The following LAMB1 variants were observed in gnomAD, a reference collection of about 807,000 sequenced individuals.
LAMB1 encodes the protein laminin subunit beta 1.
In LAMB1, 121 loss-of-function variants were observed where a neutral mutation model predicts 222.3. The ratio of observed to expected loss-of-function variants is 0.54; its 90% CI spans 0.47 to 0.63. The LOEUF (loss-of-function observed/expected upper bound fraction) is 0.63, where lower values mean the gene tolerates loss of function less well. Among genes scored for constraint, LAMB1 ranks in the 30% least tolerant of loss-of-function variants. The pLI, the probability that LAMB1 is intolerant of heterozygous loss-of-function variation, is 0.00. For missense variants in LAMB1, 2,172 were observed against 2,240.8 expected (o/e 0.97, Z 0.62); for synonymous variants, 794 against 807.2 (o/e 0.98, Z 0.28).
intron 3 of LAMB1, chr7:107,999,737 T>C (rs1421843001): frequency 6.6e-6 from 1 of 150,404 alleles, no homozygotes; most frequent in Admixed American, 6.7e-5. Context: ...GCTAATCATA[T>C]ATACCAGAGA....
intron 20 of LAMB1, among the ~76,000 whole-genome samples, chr7:107,958,806 TAG>T (rs1038820940): frequency 6.6e-6 from 1 of 152,354 alleles, no homozygotes; most frequent in African/African-American, 2.4e-5. Flanking sequence ...GCATGTTTTA[TAG>T]AGTCTCCTGG....
At chr7:107,954,177 T>TG in intron 21 of LAMB1, among the ~76,000 whole-genome samples, 1 of 152,084 alleles carries the variant, frequency 6.6e-6, no homozygotes, top group East Asian at 1.9e-4. Context: ...TTTTAAGACA[T>TG]GGGGCCTTGC....
intron 27 of LAMB1, among the ~76,000 whole-genome samples, chr7:107,934,783 A>C (rs1429452123): frequency 6.6e-6 from 1 of 152,034 alleles, no homozygotes. Flanking sequence ...AGGAATGTCC[A>C]AGCTGGGTGT....
intron 8 of LAMB1, among the ~76,000 whole-genome samples, chr7:107,980,139 C>A (rs968603516): frequency 6.6e-6 from 1 of 151,340 alleles, no homozygotes; most frequent in South Asian, 2.1e-4. Flanking sequence ...ACCCAGGATG[C>A]GGATGGTGCA....
In LAMB1 at chr7:107,923,969, C is replaced by T; in HGVS notation, c.5343G>A (p.Val1781=). 1.2e-6 allele frequency: 2 copies of T among 1,609,824 alleles called. No homozygotes were observed. The highest frequency in any genetic ancestry group is 1.7e-6 in the Non-Finnish European group (2 of 1,178,892). The change falls in exon 34 of 34, where the codon GTG becomes GTA. Residue 1781 remains valine, a synonymous_variant. Coordinates refer to ENST00000222399, the MANE Select transcript of LAMB1 (RefSeq NM_002291.3). ...LLKDISQKVA[V]YSTCL ...TCCTCTGTTACAAGCATGTGCTATA[C>T]ACAGCAACTTTCTGGCTTATATCCT... is the stretch of plus-strand genomic sequence containing the variant.
At chr7:107,989,445 C>T (rs1310109206) in intron 5 of LAMB1, among the ~76,000 whole-genome samples, 1 of 152,146 alleles carries the variant, frequency 6.6e-6, no homozygotes, top group Non-Finnish European at 1.5e-5. Flanking sequence ...TCCTTTAGCC[C>T]TCCTTAATAA....
At chr7:107,932,077 A>T in intron 28 of LAMB1, 97 bp downstream of exon 28, 2 of 1,093,774 alleles carry the variant, frequency 1.8e-6, no homozygotes, top group Non-Finnish European at 2.8e-6. Flanking sequence ...TTTTCATTTC[A>T]GTTAGCATTT....
chr7:107,979,423 G>C (rs967522082), intron 8 of LAMB1, among the ~76,000 whole-genome samples: 1 of 152,310 alleles, frequency 6.6e-6, no homozygotes, highest in African/African-American at 2.4e-5. Flanking sequence ...CAGCTTAGGG[G>C]AAGGAACCCT....
At chr7:107,968,851 T>C (rs1397897719) in intron 13 of LAMB1, among the ~76,000 whole-genome samples, 1 of 152,234 alleles carries the variant, frequency 6.6e-6, no homozygotes, top group Non-Finnish European at 1.5e-5. Flanking sequence ...CCACTGAGAC[T>C]GTATTTGACA....
rs560853502 is a variant in LAMB1, at chr7:107,969,610, A to G, written c.1562+3382T>C. Reference sequence around the variant, plus strand: ...TAATGACTGGGATATGTTCTGAGAAATGTGTTGTTCGCCAATTTTGTTGTT... The same window carrying G: ...TAATGACTGGGATATGTTCTGAGAAGTGTGTTGTTCGCCAATTTTGTTGTT... On this transcript the variant is annotated intron_variant, in intron 13 of 33. Transcript: ENST00000222399. Among the ~76,000 whole-genome samples, 68 of 152,338 alleles carry G rather than the reference A, an allele frequency of 4.5e-4. 1 individual carries two copies. Among genetic ancestry groups the G allele is most frequent in the Non-Finnish European group, 7.6e-4 (52 of 68,034 alleles).
At position 107,941,049 on chromosome 7, in the gene LAMB1, G is replaced by A. The variant is rs111368206; in HGVS notation, c.3392-691C>T. 9.2e-3 allele frequency among the ~76,000 whole-genome samples: 1,397 copies of A among 152,340 alleles called. 18 individuals are homozygous for A. Among genetic ancestry groups the A allele is most frequent in the African/African-American group, 0.032 (1,323 of 41,568 alleles). ...ATCTAACTTGGGGGTGTCTGCCATT[G>A]TGATGACCACTGCCAGTACTACAAG... On this transcript the variant is annotated intron_variant, in intron 24 of 33. Transcript: ENST00000222399.
intron 25 of LAMB1, among the ~76,000 whole-genome samples, chr7:107,937,826 C>T (rs931618840): frequency 1.3e-5 from 2 of 152,170 alleles, no homozygotes; most frequent in African/African-American, 4.8e-5. Context: ...CCTCCTTCTA[C>T]CAACAGCCTT....
intron 15 of LAMB1, among the ~76,000 whole-genome samples, chr7:107,962,358 T>C (rs1173666506): frequency 6.6e-6 from 1 of 152,190 alleles, no homozygotes; most frequent in Non-Finnish European, 1.5e-5. Flanking sequence ...ACCACCTCAG[T>C]CGTCAGCAAG....
At chr7:107,990,547 A>AT (rs143855693) in intron 5 of LAMB1, among the ~76,000 whole-genome samples, 8 of 151,688 alleles carry the variant, frequency 5.3e-5, no homozygotes, top group Non-Finnish European at 8.8e-5. Context: ...TGACTAACTA[A>AT]TTTTTTTTTA....
At chr7:107,980,937 G>A in intron 7 of LAMB1, 126 bp from the exon 8 acceptor site, 1 of 616,844 alleles carries the variant, frequency 1.6e-6, no homozygotes, top group Non-Finnish European at 2.8e-6. Context: ...TCCTCCTCTT[G>A]TATGATCTAG....
At chr7:107,937,332 C>G in intron 25 of LAMB1, 55 bp from the exon 26 acceptor site, 1 of 1,436,086 alleles carries the variant, frequency 7.0e-7, no homozygotes, top group Non-Finnish European at 9.7e-7. Flanking sequence ...GGAGAACTTT[C>G]ACGTTTCATA....
rs200599445 is a variant in LAMB1 at position 107,935,347 on chromosome 7, G to GTTTTTTTTTTTT, written c.4188+56_4188+67dup. The GTTTTTTTTTTTT allele has an allele frequency of 5.2e-5, 61 of 1,173,248 alleles. 11 individuals carry two copies. Among genetic ancestry groups the GTTTTTTTTTTTT allele is most frequent in the African/African-American group, 1.9e-4 (8 of 41,534 alleles). The allele number at this position is 1,173,248 out of a possible 1,614,324, so 72.7% of individuals were successfully genotyped here. A position where few individuals can be genotyped will look rare whatever the true frequency, so the allele number is the denominator to read the frequency against. ...GACAAAAGATGGTTTGTTTTTCTTT[G>GTTTTTTTTTTTT]TTTTTTTTTTTTTTTTTTTTTTTTT... On this transcript the variant is annotated intron_variant, in intron 27 of 33. Coordinates refer to ENST00000222399, the MANE Select transcript of LAMB1 (RefSeq NM_002291.3).
In LAMB1 at chr7:107,985,931, T is replaced by C. The variant is rs2034066985; in HGVS notation, c.676+91A>G. On this transcript the variant is annotated intron_variant, in intron 7 of 33. Coordinates refer to ENST00000222399, the MANE Select transcript of LAMB1 (RefSeq NM_002291.3). Reference sequence around the variant, plus strand: ...GAGATCGCACCATTGCACTCCAGCCTGGGCAACAAGAGCGGAACTCTGTCT... The same window carrying C: ...GAGATCGCACCATTGCACTCCAGCCCGGGCAACAAGAGCGGAACTCTGTCT... 8 of 1,005,694 alleles carry C rather than the reference T, an allele frequency of 8.0e-6. No homozygotes were observed. The Admixed American group carries it at 1.6e-4, about 20-fold the overall frequency. The allele number at this position is 1,005,694 out of a possible 1,614,324, so 62.3% of individuals were successfully genotyped here.
In LAMB1 at chr7:107,935,578, G is replaced by A. The variant is rs1287917423; in HGVS notation, c.4025C>T (p.Pro1342Leu). ...GGCTGACTGCTCCACAGTGCTGTTG[G>A]GTTCTGTGGTGGAGGCATTCACCCT... ...EERVNASTTE[P>L]NSTVEQSALM... The change falls in exon 27 of 34, where the codon CCC (proline) becomes CTC (leucine). Residue 1342 changes from proline to leucine, a missense_variant. Transcript: ENST00000222399. 1.7e-5 allele frequency: 28 copies of A among 1,613,634 alleles called. No homozygotes were observed. The highest frequency in any genetic ancestry group is 2.3e-5 in the Non-Finnish European group (27 of 1,179,936).
Sources: gnomAD v4.1 joint callset for allele counts (sites outside exome capture counted in the v4.1 genomes callset) on GRCh38, gnomAD v4.1.1 for gene constraint, MANE v1.5 for transcripts, NCBI Gene and HGNC (gene_info 2026-07-23, HGNC 2026-07-21) for gene names.